Variants in TMPRSS6 observed in about 807,000 individuals in gnomAD.
TMPRSS6 encodes the protein transmembrane serine protease 6.
In TMPRSS6, 67 loss-of-function variants were observed where a neutral mutation model predicts 101.5. That is an observed-to-expected ratio of 0.66 (90% CI 0.54 to 0.81). The LOEUF is 0.81. Among genes scored for constraint, TMPRSS6 ranks in the 30% least tolerant of loss-of-function variants. The pLI, the probability that TMPRSS6 is intolerant of heterozygous loss-of-function variation, is 0.00. For synonymous variants in TMPRSS6, 453 were observed against 464.9 expected (o/e 0.97, Z 0.33); for missense variants, 1,034 against 1,088.7 (o/e 0.95, Z 0.71).
rs774465790 is a variant in TMPRSS6, at chr22:37,086,305, G to A, written c.951C>T (p.Ser317=). Residue 317 remains serine (S), a synonymous_variant, in exon 8 of 18, where the codon TCC becomes TCT. Transcript: ENST00000676104. ...LHSYYDPFVL[S]VQPVVFQACE... The stretch of plus-strand genomic sequence containing the variant: ...CACCCTGGAAGACCACCGGCTGCAC[G>A]GAGAGCACGAAGGGGTCGTAGTAGC... 2.0e-5 allele frequency: 33 copies of A among 1,613,992 alleles called. No individual in the cohort carries two copies. The highest frequency in any genetic ancestry group is 3.3e-5 in the Admixed American group (2 of 60,006).
intron 3 of TMPRSS6, among the ~76,000 whole-genome samples, chr22:37,097,132 A>G (rs78937227): frequency 0.016 from 2,421 of 152,240 alleles, 26 homozygotes; most frequent in Non-Finnish European, 0.023. Flanking sequence ...GCTCTTAAGC[A>G]TTTGCGCAGC....
chr22:37,070,922 G>A lies in TMPRSS6; in HGVS notation c.1666C>T (p.His556Tyr), dbSNP rs184024899. 4.0e-5 allele frequency: 64 copies of A among 1,612,982 alleles called. No individual in the cohort carries two copies. In the East Asian group the frequency reaches 1.4e-3, roughly 36 times the overall value. Reference protein sequence around the residue: ...PDCRDGSDEEHCDCGLQGPSS... With the variant: ...PDCRDGSDEEYCDCGLQGPSS... ...GCAGCCAGGCAGGGCTCACCACAGT[G>A]CTCCTCATCCGAGCCGTCCCTGCAG... The change falls in exon 14 of 18, where the codon CAC (histidine) becomes TAC (tyrosine). Residue 556 changes from histidine (H) to tyrosine (Y), a missense_variant. Transcript: ENST00000676104.
In TMPRSS6 at chr22:37,103,379, CT is replaced by C. The variant is rs1930493568; in HGVS notation, c.38del (p.Gln13ArgfsTer55). On this transcript the variant is annotated frameshift_variant, in exon 2 of 18. Transcript: ENST00000676104. LOFTEE classifies it high-confidence loss of function. This position sits in a 1 kb window ranked among gnomAD's most constrained non-coding sequence, Gnocchi z 4.4. ...CTTCCTCGCCATCACCTCCGTCCCC[CT>C]GCCCGCCAGCCACCTGGGGGGCCTC... ...VAEAPQVAGG[Q>X]GDGGDGEEAE... The C allele has an allele frequency of 6.2e-7, 1 of 1,614,230 alleles. No individual in the cohort carries two copies. Among genetic ancestry groups the C allele is most frequent in the African/African-American group, 1.3e-5 (1 of 75,076 alleles).
intron 6 of TMPRSS6, among the ~76,000 whole-genome samples, chr22:37,091,732 G>A (rs531761991): frequency 6.6e-6 from 1 of 152,340 alleles, no homozygotes; most frequent in South Asian, 2.1e-4. Flanking sequence ...CTACCTCTGG[G>A]TAGTTAACTG....
At chr22:37,078,973 A>AAGAAAAAGAAAGAAAGAAAG (rs762878165) in intron 10 of TMPRSS6, among the ~76,000 whole-genome samples, 9 of 106,508 alleles carry the variant, frequency 8.5e-5, no homozygotes, top group Non-Finnish European at 1.2e-4. Context: ...GAAAGAAAGA[A>AAGAAAAAGAAAGAAAGAAAG]AAAGAAAGAA....
intron 7 of TMPRSS6, among the ~76,000 whole-genome samples, chr22:37,089,328 G>T (rs551495177): frequency 2.0e-4 from 31 of 152,242 alleles, no homozygotes; most frequent in Admixed American, 2.0e-3. Flanking sequence ...CTGACTTCAG[G>T]AGTCATCTAC....
chr22:37,094,388 TA>T (rs1706306918), intron 6 of TMPRSS6, among the ~76,000 whole-genome samples: 1 of 138,266 alleles, frequency 7.2e-6, no homozygotes, highest in East Asian at 2.2e-4. Flanking sequence ...TGATGATAGA[TA>T]GATAGATAGA....
chr22:37,086,233 T>C, intron 8 of TMPRSS6, 50 bp downstream of exon 8: 2 of 1,613,456 alleles, frequency 1.2e-6, no homozygotes, highest in Non-Finnish European at 1.7e-6. Flanking sequence ...GGAGGGCCCT[T>C]GGATTCTACC....
chr22:37,075,347 G>T, intron 10 of TMPRSS6, 67 bp from the exon 11 acceptor site: 2 of 1,596,460 alleles, frequency 1.3e-6, no homozygotes, highest in Non-Finnish European at 1.7e-6. Flanking sequence ...CACAGACAGA[G>T]CAAGGACAGG....
Position 37,103,944 on chromosome 22 carries a change from T to C in TMPRSS6, c.-1-526A>G, listed in dbSNP as rs996377406. Among the ~76,000 whole-genome samples the C allele has an allele frequency of 3.3e-5, 5 of 152,206 alleles. No individual in the cohort carries two copies. The East Asian group carries it at 5.8e-4, about 18-fold the overall frequency. ...CTGGCACTGCGCTGGGCCGGGGACCTGCCTTCCTTCACAGAGTACCGTCTC... is the reference window on the plus strand; with the variant it reads ...CTGGCACTGCGCTGGGCCGGGGACCCGCCTTCCTTCACAGAGTACCGTCTC... On this transcript the variant is annotated intron_variant, in intron 1 of 17. Coordinates refer to ENST00000676104, the MANE Select transcript of TMPRSS6 (RefSeq NM_001374504.1). This position sits in a 1 kb window ranked among gnomAD's most constrained non-coding sequence, Gnocchi z 4.4.
At chr22:37,089,344 C>T (rs1040437956) in intron 7 of TMPRSS6, among the ~76,000 whole-genome samples, 2 of 152,148 alleles carry the variant, frequency 1.3e-5, no homozygotes, top group African/African-American at 2.4e-5. Context: ...TCTACAACAA[C>T]GGCTTTGTTA....
rs1929640999 is a variant in TMPRSS6, at chr22:37,095,247, GAGGAGAGTC to G, written c.631+295_631+303del. 2.0e-5 allele frequency among the ~76,000 whole-genome samples: 3 copies of G among 152,186 alleles called. No individual in the cohort carries two copies. The South Asian group carries it at 6.2e-4, about 31-fold the overall frequency. ...TGTGGGCAGGTTGAAGTGAATGATA[GAGGAGAGTC>G]ACGTTCGTGGACCACTAAACCTGAC... On this transcript the variant is annotated intron_variant, in intron 6 of 17. Coordinates refer to ENST00000676104, the MANE Select transcript of TMPRSS6 (RefSeq NM_001374504.1).
chr22:37,076,247 A>G (rs2146071655), intron 10 of TMPRSS6, among the ~76,000 whole-genome samples: 1 of 152,212 alleles, frequency 6.6e-6, no homozygotes, highest in African/African-American at 2.4e-5. Context: ...AGTGCTCCCC[A>G]TTTAGGCACC....
chr22:37,098,024 C>T (rs1473372709), intron 3 of TMPRSS6, among the ~76,000 whole-genome samples: 4 of 125,394 alleles, frequency 3.2e-5, no homozygotes, highest in Admixed American at 1.7e-4. Context: ...CGTCCTGTAA[C>T]GGAGGGGCAG....
chr22:37,085,766 G>A (rs57746379), intron 8 of TMPRSS6, among the ~76,000 whole-genome samples: 3,148 of 152,246 alleles, frequency 0.021, 99 homozygotes, highest in African/African-American at 0.072. Context: ...TGGCTGTGCT[G>A]CCATCACACC....
chr22:37,092,077 C>T (rs975430911), intron 6 of TMPRSS6, among the ~76,000 whole-genome samples: 1 of 143,604 alleles, frequency 7.0e-6, no homozygotes, highest in African/African-American at 2.7e-5. Context: ...GCTCTTGCCA[C>T]TTTAATAATT....
rs148272644 is a variant in TMPRSS6 at position 37,090,007 on chromosome 22, A to G, written c.632-225T>C. Among the ~76,000 whole-genome samples, 813 of 152,322 alleles carry G rather than the reference A, an allele frequency of 5.3e-3. 8 individuals carry two copies. Among genetic ancestry groups the G allele is most frequent in the African/African-American group, 0.019 (780 of 41,570 alleles). On this transcript the variant is annotated intron_variant, in intron 6 of 17. Coordinates refer to ENST00000676104, the MANE Select transcript of TMPRSS6 (RefSeq NM_001374504.1). ...TCATTCACTCATGGAATGGACACAC[A>G]CTGAGCTTCACGCCTTCTCAGTGCC...
Position 37,103,642 on chromosome 22 carries a change from G to T in TMPRSS6, c.-1-224C>A, listed in dbSNP as rs1211388147. On this transcript the variant is annotated intron_variant, in intron 1 of 17. Transcript: ENST00000676104. The surrounding 1 kb of genome is among the most constrained non-coding windows in gnomAD (Gnocchi z 4.4). ...AGGGCAGGCACCAGAGCTGGACTGG[G>T]TCTGGCTCAAGAACCCCACCTTTGC... The T allele has an allele frequency of 4.5e-6, 7 of 1,561,198 alleles. No homozygotes were observed. Among genetic ancestry groups the T allele is most frequent in the Non-Finnish European group, 6.1e-6 (7 of 1,139,544 alleles).
chr22:37,105,009 G>A (rs1178199726), intron 1 of TMPRSS6, among the ~76,000 whole-genome samples: 2 of 152,012 alleles, frequency 1.3e-5, no homozygotes, highest in Admixed American at 1.3e-4. Context: ...CCAGATGCAG[G>A]CGGGGCTTCC....
Sources: allele counts gnomAD v4.1 joint callset (sites outside exome capture counted in the v4.1 genomes callset), GRCh38; gene constraint gnomAD v4.1.1; non-coding constraint Gnocchi (gnomAD v3.1); transcripts MANE v1.5; gene names NCBI Gene and HGNC (gene_info 2026-07-23, HGNC 2026-07-21).